Variants in NOL4 observed in about 807,000 individuals in gnomAD.
The protein encoded by NOL4 is nucleolar protein 4, also known as cancer/testis antigen 125.
Under a neutral mutation model 75.9 loss-of-function variants are expected in NOL4, and 17 were observed. That is an observed-to-expected ratio of 0.22 (90% confidence interval 0.15 to 0.34). The LOEUF is 0.34. Among genes scored for constraint, NOL4 ranks in the 10% least tolerant of loss-of-function variants. The pLI is 1.00. For missense variants in NOL4, 614 were observed against 793.5 expected, an observed-to-expected ratio of 0.77 and a Z score of 2.72; for synonymous variants, 292 against 289.9, an observed-to-expected ratio of 1.01 and a Z score of -0.07.
At chr18:33,943,377 G>A (rs973101766) in intron 8 of NOL4, among the ~76,000 whole-genome samples, 199 bp from the exon 9 acceptor site, 4 of 151,818 alleles carry the variant, frequency 2.6e-5, no homozygotes, top group South Asian at 4.1e-4. Flanking sequence ...TAAAGCTATC[G>A]TTGCTACACA....
chr18:34,158,926 C>G (rs538320844), intron 1 of NOL4, among the ~76,000 whole-genome samples: 3 of 152,208 alleles, frequency 2.0e-5, no homozygotes, highest in African/African-American at 4.8e-5. Context: ...AATGGAAAGC[C>G]AAATAAAGGC....
At chr18:34,079,000 T>C (rs1422936680) in intron 5 of NOL4, among the ~76,000 whole-genome samples, 1 of 152,190 alleles carries the variant, frequency 6.6e-6, no homozygotes, top group African/African-American at 2.4e-5. Flanking sequence ...AGACATTTTT[T>C]CTTTTTAATT....
intron 8 of NOL4, among the ~76,000 whole-genome samples, chr18:33,956,365 C>T (rs2069647118): frequency 6.6e-6 from 1 of 151,940 alleles, no homozygotes; most frequent in Non-Finnish European, 1.5e-5. Flanking sequence ...CTTTTATATC[C>T]AACTCTGGAG....
At chr18:33,872,871 A>C (rs1453924024) in intron 10 of NOL4, among the ~76,000 whole-genome samples, 1 of 152,068 alleles carries the variant, frequency 6.6e-6, no homozygotes, top group Non-Finnish European at 1.5e-5. Flanking sequence ...AAATAGGAAA[A>C]TACTTTAAGT....
intron 5 of NOL4, among the ~76,000 whole-genome samples, chr18:34,078,115 T>C (rs551206781): frequency 1.3e-4 from 20 of 152,156 alleles, no homozygotes; most frequent in Non-Finnish European, 2.8e-4. Context: ...AATTACAATA[T>C]GTTGGCATTT....
At chr18:33,932,360 A>T (rs1412604295) in intron 9 of NOL4, among the ~76,000 whole-genome samples, 1 of 152,080 alleles carries the variant, frequency 6.6e-6, no homozygotes, top group South Asian at 2.1e-4. Flanking sequence ...TGCGTCAAAG[A>T]TTTCTTAAAG....
chr18:34,048,447 C>G (rs1358545784), intron 5 of NOL4: 13 of 985,230 alleles, frequency 1.3e-5, no homozygotes, highest in Non-Finnish European at 1.3e-5. Flanking sequence ...ACTGTGAATT[C>G]TGCTCTTCAA....
chr18:34,113,759 C>T (rs1054131841), intron 2 of NOL4, among the ~76,000 whole-genome samples: 7 of 152,060 alleles, frequency 4.6e-5, no homozygotes, highest in Non-Finnish European at 7.4e-5. Flanking sequence ...ATTCTGTGGG[C>T]ATCTTTATTT....
At chr18:34,190,073 T>TAC (rs35291144) in intron 1 of NOL4, among the ~76,000 whole-genome samples, 44,770 of 149,322 alleles carry the variant, frequency 0.3, 6,871 homozygotes, top group East Asian at 0.45. Flanking sequence ...TACATATACA[T>TAC]ACACACACAC....
chr18:33,857,390 G>T (rs867436259), intron 10 of NOL4, among the ~76,000 whole-genome samples: 9 of 152,096 alleles, frequency 5.9e-5, no homozygotes, highest in Non-Finnish European at 8.8e-5. Flanking sequence ...GATTCAAACA[G>T]TATTGGCCAT....
intron 5 of NOL4, among the ~76,000 whole-genome samples, chr18:34,078,343 T>C (rs2145357649): frequency 6.6e-6 from 1 of 152,280 alleles, no homozygotes; most frequent in African/African-American, 2.4e-5. Context: ...GTAATTGTTA[T>C]TGAAGGATGA....
chr18:34,028,399 A>G (rs1327398926), intron 5 of NOL4, among the ~76,000 whole-genome samples: 3 of 152,208 alleles, frequency 2.0e-5, no homozygotes, highest in African/African-American at 7.2e-5. Context: ...AGAACAATGA[A>G]TTACATTGAA....
intron 9 of NOL4, among the ~76,000 whole-genome samples, chr18:33,928,582 A>T (rs965781933): frequency 1.3e-5 from 2 of 152,108 alleles, no homozygotes; most frequent in African/African-American, 4.8e-5. Context: ...CTACTGAGGG[A>T]CCAATACAAT....
chr18:33,931,392 G>C (rs982254155), intron 9 of NOL4, among the ~76,000 whole-genome samples: 1 of 152,110 alleles, frequency 6.6e-6, no homozygotes, highest in African/African-American at 2.4e-5. Flanking sequence ...ACATTTTCCA[G>C]GCAGTCTCAT....
chr18:34,219,237 C>G (rs1044814172), intron 1 of NOL4, among the ~76,000 whole-genome samples: 1 of 152,152 alleles, frequency 6.6e-6, no homozygotes, highest in African/African-American at 2.4e-5. Context: ...ATAATTTAGA[C>G]CTTTGTGTCT....
chr18:33,957,140 A>G (rs1241683218), intron 8 of NOL4, among the ~76,000 whole-genome samples, 186 bp downstream of exon 8: 3 of 152,134 alleles, frequency 2.0e-5, no homozygotes, highest in Non-Finnish European at 4.4e-5. Flanking sequence ...AAATAAACAA[A>G]GAGAATAAAT....
At chr18:34,015,159 A>G (rs1187402424) in intron 6 of NOL4, among the ~76,000 whole-genome samples, 1 of 152,060 alleles carries the variant, frequency 6.6e-6, no homozygotes, top group Non-Finnish European at 1.5e-5. Context: ...TAAAGCAAGT[A>G]TTGATCCAGA....
At chr18:34,192,836 G>A (rs555698965) in intron 1 of NOL4, among the ~76,000 whole-genome samples, 1 of 152,268 alleles carries the variant, frequency 6.6e-6, no homozygotes, top group South Asian at 2.1e-4. Context: ...ATTATCATGG[G>A]AGTGGGTTGC....
At chr18:34,127,227 C>T (rs901443066) in intron 2 of NOL4, among the ~76,000 whole-genome samples, 1 of 151,720 alleles carries the variant, frequency 6.6e-6, no homozygotes, top group South Asian at 2.1e-4. Flanking sequence ...AAAACAAATG[C>T]ATTCAAAAGT....
Sources: allele counts gnomAD v4.1 joint callset (sites outside exome capture counted in the v4.1 genomes callset), GRCh38; gene constraint gnomAD v4.1.1; transcripts MANE v1.5; gene names NCBI Gene and HGNC (gene_info 2026-07-23, HGNC 2026-07-21).